COBL: variants seen among roughly 807,000 people sequenced by gnomAD.
COBL encodes protein cordon-bleu.
A neutral mutation model predicts 98.8 loss-of-function variants in COBL; 51 were observed. The ratio of observed to expected loss-of-function variants is 0.52; its 90% CI spans 0.41 to 0.65. The LOEUF (loss-of-function observed/expected upper bound fraction) is 0.65, where lower values mean the gene tolerates loss of function less well. Among genes scored for constraint, COBL ranks in the 30% least tolerant of loss-of-function variants. COBL has a pLI of 0.00. For synonymous variants in COBL, 634 were observed against 651.7 expected (o/e 0.97, Z 0.41); for missense variants, 1,617 against 1,617.5 (o/e 1.00, Z 0.01).
At chr7:51,197,545 T>C (rs918351079) in intron 2 of COBL, among the ~76,000 whole-genome samples, 1 of 152,168 alleles carries the variant, frequency 6.6e-6, no homozygotes, top group African/African-American at 2.4e-5. Context: ...TCTGATCCAG[T>C]GCTGAGTTCA....
chr7:51,102,230 T>C (rs942685913), intron 6 of COBL, among the ~76,000 whole-genome samples: 4 of 152,168 alleles, frequency 2.6e-5, no homozygotes, highest in African/African-American at 9.7e-5. Context: ...GATTTTTAAA[T>C]GCCTCCCGTC....
chr7:51,246,708 A>T (rs1038402011), intron 1 of COBL, among the ~76,000 whole-genome samples: 1 of 152,244 alleles, frequency 6.6e-6, no homozygotes, highest in African/African-American at 2.4e-5. Flanking sequence ...TGTGGTTGCA[A>T]TTCCATGATG....
Position 51,025,174 on chromosome 7 carries a change from C to T in COBL, c.3703G>A (p.Ala1235Thr), listed in dbSNP as rs529052852. 112 of 1,382,736 alleles carry T rather than the reference C, an allele frequency of 8.1e-5. No homozygotes were observed. Among genetic ancestry groups the T allele is most frequent in the Middle Eastern group, 6.1e-4 (2 of 3,304 alleles). 85.7% of individuals were successfully genotyped at this position (1,382,736 alleles called of 1,614,324 possible). A position where few individuals can be genotyped will look rare whatever the true frequency, so the allele number is the denominator to read the frequency against. ...TCCATCAAGGCTTGCCTTGCGTCTG[C>T]GGTGTTGCTGAGGGTGCCCGTGCTG... ...RFSTGTLSNTADARQALMDAI... is the reference protein window; with the variant it reads ...RFSTGTLSNTTDARQALMDAI... The change falls in exon 12 of 13, where the codon GCA becomes ACA. Residue 1235 changes from alanine (A) to threonine (T), a missense_variant. Physicochemically the swap from Ala to Thr is moderately conservative, Grantham distance 58. Transcript: ENST00000265136.
chr7:51,173,825 C>CA (rs970651347), intron 5 of COBL, among the ~76,000 whole-genome samples: 1 of 151,976 alleles, frequency 6.6e-6, no homozygotes, highest in African/African-American at 2.4e-5. Context: ...AGCTTTAAAA[C>CA]AAAAAAGATA....
At chr7:51,284,224 C>T (rs533453203) in intron 1 of COBL, among the ~76,000 whole-genome samples, 106 of 149,622 alleles carry the variant, frequency 7.1e-4, no homozygotes, top group African/African-American at 2.5e-3. Flanking sequence ...TGGTGTGAAC[C>T]TGGGAGGCAG....
At chr7:51,131,159 C>A (rs1378314254) in intron 6 of COBL, among the ~76,000 whole-genome samples, 1 of 152,082 alleles carries the variant, frequency 6.6e-6, no homozygotes, top group Non-Finnish European at 1.5e-5. Flanking sequence ...AAACAGACTT[C>A]TCAAGTTGGA....
chr7:51,037,096 C>T (rs1399358117), intron 8 of COBL, among the ~76,000 whole-genome samples: 3 of 152,136 alleles, frequency 2.0e-5, no homozygotes, highest in African/African-American at 7.2e-5. Context: ...CACATACATG[C>T]ACATATACGC....
Position 51,079,070 on chromosome 7 carries a change from C to T in COBL, c.1096+6096G>A, listed in dbSNP as rs185892591. Among the ~76,000 whole-genome samples the T allele has an allele frequency of 2.9e-3, 442 of 152,276 alleles. 2 individuals are homozygous for T. The highest frequency in any genetic ancestry group is 9.9e-3 in the African/African-American group (412 of 41,544). On this transcript the variant is annotated intron_variant, in intron 7 of 12. Transcript: ENST00000265136. ...GGAGTCACTAAGTACAGTCAGCATT[C>T]GTGGCAAGAGGCTACAAGAGGCTAG...
chr7:51,279,766 C>A (rs1356977850), intron 1 of COBL, among the ~76,000 whole-genome samples: 1 of 152,154 alleles, frequency 6.6e-6, no homozygotes, highest in Non-Finnish European at 1.5e-5. Context: ...CCCTAAAAAT[C>A]CTCTGTTCCT....
intron 7 of COBL, among the ~76,000 whole-genome samples, chr7:51,078,481 C>T (rs1158153111): frequency 2.0e-5 from 3 of 152,226 alleles, no homozygotes; most frequent in Admixed American, 1.3e-4. Flanking sequence ...TGCTACTCCA[C>T]TCTGGGATTC....
intron 8 of COBL, chr7:51,035,902 C>A (rs1041498594): frequency 6.6e-6 from 1 of 152,132 alleles, no homozygotes; most frequent in Non-Finnish European, 1.5e-5. Context: ...GTTCTAGAAG[C>A]GGTCTGGAAT....
intron 6 of COBL, among the ~76,000 whole-genome samples, chr7:51,098,220 G>GTTTTTTTTTTTTTTTTTTTT (rs1276606651): frequency 7.6e-5 from 4 of 52,308 alleles, no homozygotes; most frequent in African/African-American, 4.4e-4. Context: ...CCCAATAGCA[G>GTTTTTTTTTTTTTTTTTTTT]TTTCTTTTTT....
intron 2 of COBL, among the ~76,000 whole-genome samples, chr7:51,199,287 T>C (rs1563027711): frequency 6.6e-6 from 1 of 152,178 alleles, no homozygotes; most frequent in Non-Finnish European, 1.5e-5. Context: ...TTGACTGAGA[T>C]ACCAGAGGCA....
intron 1 of COBL, among the ~76,000 whole-genome samples, chr7:51,275,900 C>G (rs1223300111): frequency 6.6e-6 from 1 of 152,186 alleles, no homozygotes; most frequent in Non-Finnish European, 1.5e-5. Flanking sequence ...TTCCTCTGAC[C>G]TGCTCTGCCG....
intron 1 of COBL, among the ~76,000 whole-genome samples, chr7:51,311,259 G>A (rs1194344356): frequency 6.6e-6 from 1 of 152,228 alleles, no homozygotes; most frequent in Non-Finnish European, 1.5e-5. Flanking sequence ...CTCGCCACCT[G>A]ATGAGGAGAG....
chr7:51,242,243 T>C (rs1192753622), intron 1 of COBL, among the ~76,000 whole-genome samples: 3 of 152,152 alleles, frequency 2.0e-5, no homozygotes, highest in Non-Finnish European at 2.9e-5. Flanking sequence ...CACTACTTCA[T>C]TTACACAGGG....
intron 1 of COBL, among the ~76,000 whole-genome samples, chr7:51,263,474 AAGCCC>A: frequency 6.6e-6 from 1 of 152,384 alleles, no homozygotes; most frequent in East Asian, 1.9e-4. Context: ...AGCATTTCAG[AAGCCC>A]TGCAAAGTGC....
intron 5 of COBL, among the ~76,000 whole-genome samples, chr7:51,178,003 G>A (rs1788567392): frequency 6.6e-6 from 1 of 151,810 alleles, no homozygotes; most frequent in South Asian, 2.1e-4. Flanking sequence ...AAAATTAGCT[G>A]GGCATGGTGG....
intron 7 of COBL, among the ~76,000 whole-genome samples, chr7:51,076,869 A>C (rs1382037103): frequency 6.6e-6 from 1 of 152,226 alleles, no homozygotes; most frequent in Non-Finnish European, 1.5e-5. Context: ...GAATATTTTC[A>C]TTTTAAAAAT....
Sources: allele counts gnomAD v4.1 joint callset (sites outside exome capture counted in the v4.1 genomes callset), GRCh38; gene constraint gnomAD v4.1.1; transcripts MANE v1.5; gene names NCBI Gene and HGNC (gene_info 2026-07-23, HGNC 2026-07-21).